The following KIAA1217 variants were observed in gnomAD, a reference collection of about 807,000 sequenced individuals.
KIAA1217 encodes the protein sickle tail protein homolog.
In KIAA1217, 88 loss-of-function variants were observed where a neutral mutation model predicts 163.9. The observed-to-expected ratio is 0.54, with a 90% CI of 0.45 to 0.64. KIAA1217 has a LOEUF of 0.64. KIAA1217 is among the 30% of genes least tolerant of loss of function. The pLI is 0.00. For missense variants in KIAA1217, 2,372 were observed against 2,475.0 expected (o/e 0.96, Z 0.88); for synonymous variants, 903 against 923.1 (o/e 0.98, Z 0.39).
At chr10:23,777,051 C>A (rs776548740) in intron 1 of KIAA1217, among the ~76,000 whole-genome samples, 5 of 152,094 alleles carry the variant, frequency 3.3e-5, no homozygotes, top group Non-Finnish European at 5.9e-5. Flanking sequence ...ATGAGCATAT[C>A]ATTCTTATTG....
intron 1 of KIAA1217, among the ~76,000 whole-genome samples, chr10:23,980,031 C>T (rs1330111411): frequency 6.6e-6 from 1 of 151,982 alleles, no homozygotes; most frequent in Non-Finnish European, 1.5e-5. Context: ...TCACGAATAC[C>T]ATATATTTTC....
At chr10:24,413,042 C>G (rs1460291981) in intron 3 of KIAA1217, among the ~76,000 whole-genome samples, 1 of 152,166 alleles carries the variant, frequency 6.6e-6, no homozygotes, top group African/African-American at 2.4e-5. Flanking sequence ...AAATCTCATT[C>G]ACTCTTCTTC....
At chr10:24,269,020 G>A (rs1254167559) in intron 2 of KIAA1217, among the ~76,000 whole-genome samples, 1 of 138,344 alleles carries the variant, frequency 7.2e-6, no homozygotes, top group East Asian at 2.1e-4. Flanking sequence ...GAGATCACAT[G>A]GACACAGGAA....
intron 1 of KIAA1217, among the ~76,000 whole-genome samples, chr10:23,849,917 C>A (rs968872551): frequency 4.6e-5 from 7 of 152,034 alleles, no homozygotes; most frequent in Non-Finnish European, 7.4e-5. Flanking sequence ...AACATTCATG[C>A]GTACAACAGA....
intron 2 of KIAA1217, among the ~76,000 whole-genome samples, chr10:24,155,637 A>G (rs1017727919): frequency 2.6e-5 from 4 of 152,128 alleles, no homozygotes; most frequent in African/African-American, 7.2e-5. Context: ...CCTGGCCAAC[A>G]TGATGAAACC....
intron 5 of KIAA1217, among the ~76,000 whole-genome samples, chr10:24,460,663 C>T (rs1228073398): frequency 6.6e-6 from 1 of 152,138 alleles, no homozygotes; most frequent in African/African-American, 2.4e-5. Flanking sequence ...ATAACATACC[C>T]TTTAAAATTT....
intron 13 of KIAA1217, among the ~76,000 whole-genome samples, 180 bp downstream of exon 13, chr10:24,524,944 G>GGGTGAGACACCTGGCCTGTAGGAA (rs1197949940): frequency 0.12 from 14,414 of 118,022 alleles, 3,486 homozygotes; most frequent in Middle Eastern, 0.21. Context: ...TTTCAGAGAA[G>GGGTGAGACACCTGGCCTGTAGGAA]GGTGAGACAC....
At chr10:24,286,103 GCC>G (rs1317231542) in intron 2 of KIAA1217, among the ~76,000 whole-genome samples, 1 of 152,070 alleles carries the variant, frequency 6.6e-6, no homozygotes, top group East Asian at 1.9e-4. Context: ...AGGTCTAGGA[GCC>G]TTTTGGCAAA....
chr10:24,249,610 A>G (rs1053694696), intron 2 of KIAA1217, among the ~76,000 whole-genome samples: 3 of 152,216 alleles, frequency 2.0e-5, no homozygotes, highest in Admixed American at 6.5e-5. Context: ...ATTCATGCCA[A>G]TGCAATACAA....
chr10:23,863,005 T>A (rs1840025128), intron 1 of KIAA1217, among the ~76,000 whole-genome samples: 1 of 152,180 alleles, frequency 6.6e-6, no homozygotes, highest in African/African-American at 2.4e-5. Context: ...TGTTTCCAGA[T>A]TCTTAGCGAC....
chr10:24,244,571 T>C (rs1309033167), intron 2 of KIAA1217, among the ~76,000 whole-genome samples: 1 of 147,052 alleles, frequency 6.8e-6, no homozygotes, highest in Non-Finnish European at 1.5e-5. Flanking sequence ...CTTTTTTTTT[T>C]TTTTTTTTTT....
intron 1 of KIAA1217, among the ~76,000 whole-genome samples, chr10:24,210,352 C>T (rs2067913452): frequency 6.6e-6 from 1 of 152,170 alleles, no homozygotes; most frequent in Non-Finnish European, 1.5e-5. Context: ...TGAGTCTGAA[C>T]AGTCATCTGT....
intron 2 of KIAA1217, among the ~76,000 whole-genome samples, chr10:24,068,851 T>C (rs1156949524): frequency 6.6e-6 from 1 of 152,220 alleles, no homozygotes; most frequent in African/African-American, 2.4e-5. Flanking sequence ...TTTCTGCAGA[T>C]TCTGTGCTGT....
intron 2 of KIAA1217, among the ~76,000 whole-genome samples, chr10:24,358,025 A>C (rs1209233240): frequency 1.3e-5 from 2 of 152,226 alleles, no homozygotes; most frequent in Non-Finnish European, 2.9e-5. Flanking sequence ...TAAGCCCCCA[A>C]ATCAAGCAAG....
At chr10:24,136,200 A>G (rs1420385434) in intron 2 of KIAA1217, among the ~76,000 whole-genome samples, 1 of 152,118 alleles carries the variant, frequency 6.6e-6, no homozygotes, top group African/African-American at 2.4e-5. Context: ...ACATCTCTGT[A>G]TGCTCTGGAG....
chr10:24,087,340 G>T (rs2061733135), intron 2 of KIAA1217, among the ~76,000 whole-genome samples: 1 of 152,010 alleles, frequency 6.6e-6, no homozygotes, highest in Non-Finnish European at 1.5e-5. Context: ...CTAAAGTGAG[G>T]GTTCATGAAA....
intron 2 of KIAA1217, among the ~76,000 whole-genome samples, chr10:24,288,068 C>T (rs1323876149): frequency 6.6e-6 from 1 of 152,114 alleles, no homozygotes; most frequent in Non-Finnish European, 1.5e-5. Flanking sequence ...AAATTATTTT[C>T]ATCGGGAAAG....
intron 1 of KIAA1217, among the ~76,000 whole-genome samples, chr10:23,758,918 A>C (rs7094768): frequency 0.36 from 54,744 of 151,178 alleles, 13,176 homozygotes; most frequent in African/African-American, 0.69. Flanking sequence ...AACTTCTGAC[A>C]TCAGGTGATC....
chr10:24,369,878 T>G (rs58400505), intron 2 of KIAA1217, among the ~76,000 whole-genome samples: 26,884 of 152,058 alleles, frequency 0.18, 2,803 homozygotes, highest in South Asian at 0.3. Flanking sequence ...TGTTCAACAT[T>G]TTACTTGTTG....
Sources: gnomAD v4.1 joint callset for allele counts (sites outside exome capture counted in the v4.1 genomes callset) on GRCh38, gnomAD v4.1.1 for gene constraint, MANE v1.5 for transcripts, NCBI Gene and HGNC (gene_info 2026-07-23, HGNC 2026-07-21) for gene names.